Variants in EBF1 observed in about 807,000 individuals in gnomAD.
EBF1 encodes EBF transcription factor 1.
A neutral mutation model predicts 68.4 loss-of-function variants in EBF1; 10 were observed. The ratio of observed to expected loss-of-function variants is 0.15; its 90% CI spans 0.09 to 0.25. The LOEUF is 0.25. Ranked by LOEUF, EBF1 falls within the 10% of genes least tolerant of loss-of-function variation. EBF1 has a pLI of 1.00. For synonymous variants in EBF1, 298 were observed against 299.8 expected (o/e 0.99, Z 0.06); for missense variants, 509 against 794.4 (o/e 0.64, Z 4.32).
intron 6 of EBF1, among the ~76,000 whole-genome samples, chr5:158,968,270 C>G (rs767193017): frequency 4.7e-4 from 71 of 152,158 alleles, no homozygotes; most frequent in Admixed American, 8.5e-4. Flanking sequence ...AGGTAGTTAA[C>G]ATCACTTTGG....
At chr5:159,080,626 C>T (rs1779592469) in intron 5 of EBF1, among the ~76,000 whole-genome samples, 1 of 152,182 alleles carries the variant, frequency 6.6e-6, no homozygotes, top group Non-Finnish European at 1.5e-5. Flanking sequence ...GCTGTTACTG[C>T]TTCTATTAAT....
chr5:158,967,730 T>C (rs1439998283), intron 6 of EBF1, among the ~76,000 whole-genome samples: 1 of 152,174 alleles, frequency 6.6e-6, no homozygotes, highest in East Asian at 1.9e-4. Flanking sequence ...ATTTATCACT[T>C]TGGAAGTTTC....
At chr5:158,768,136 G>A (rs1287494037) in intron 10 of EBF1, among the ~76,000 whole-genome samples, 2 of 152,020 alleles carry the variant, frequency 1.3e-5, no homozygotes, top group Non-Finnish European at 2.9e-5. Flanking sequence ...GGGGATGGCT[G>A]ATAAATTTCA....
chr5:159,061,464 GA>G (rs1397975030), intron 6 of EBF1, among the ~76,000 whole-genome samples: 1 of 151,954 alleles, frequency 6.6e-6, no homozygotes. Context: ...AGGTGGGGTA[GA>G]AAGAAAGAAT....
chr5:158,830,352 C>T (rs935246193), intron 7 of EBF1, among the ~76,000 whole-genome samples: 8 of 152,182 alleles, frequency 5.3e-5, no homozygotes, highest in Middle Eastern at 6.8e-3. Flanking sequence ...CTCACAGCAA[C>T]CTCTGCCACC....
At chr5:158,802,034 GT>G (rs1369102557) in intron 8 of EBF1, among the ~76,000 whole-genome samples, 1 of 152,070 alleles carries the variant, frequency 6.6e-6, no homozygotes, top group African/African-American at 2.4e-5. Flanking sequence ...TTTACCTCGG[GT>G]TTTATGGGTA....
chr5:159,013,960 T>A (rs1198143373), intron 6 of EBF1, among the ~76,000 whole-genome samples: 1 of 152,186 alleles, frequency 6.6e-6, no homozygotes, highest in Non-Finnish European at 1.5e-5. Context: ...TAGATCCAGA[T>A]GTGAAATTTC....
chr5:159,071,660 A>T (rs1286968620), intron 6 of EBF1, among the ~76,000 whole-genome samples: 5 of 152,114 alleles, frequency 3.3e-5, no homozygotes, highest in Admixed American at 6.5e-5. Context: ...TTCAAACCAC[A>T]GTCATATCAA....
intron 6 of EBF1, among the ~76,000 whole-genome samples, chr5:158,949,242 C>T (rs2127496482): frequency 6.6e-6 from 1 of 152,316 alleles, no homozygotes; most frequent in South Asian, 2.1e-4. Context: ...TATCAATCCA[C>T]AAAAGCATTT....
At chr5:159,074,931 G>A (rs146594034) in intron 5 of EBF1, among the ~76,000 whole-genome samples, 249 of 152,284 alleles carry the variant, frequency 1.6e-3, no homozygotes, top group South Asian at 0.012. Flanking sequence ...AAAGTAACAA[G>A]TAGTTGAAGC....
At chr5:158,910,754 T>C (rs548755721) in intron 6 of EBF1, among the ~76,000 whole-genome samples, 50 of 152,332 alleles carry the variant, frequency 3.3e-4, no homozygotes, top group African/African-American at 1.2e-3. Flanking sequence ...CTTCTCCAGA[T>C]GTACACAATA....
chr5:158,770,693 C>T (rs1035988708), intron 10 of EBF1, among the ~76,000 whole-genome samples: 1 of 152,086 alleles, frequency 6.6e-6, no homozygotes, highest in African/African-American at 2.4e-5. Context: ...CTGGAAGGCT[C>T]ATTCCCTAAC....
At chr5:158,991,116 C>A (rs999640795) in intron 6 of EBF1, among the ~76,000 whole-genome samples, 2 of 152,206 alleles carry the variant, frequency 1.3e-5, no homozygotes, top group African/African-American at 2.4e-5. Flanking sequence ...CAATACACTA[C>A]TGAACTTTGA....
intron 7 of EBF1, among the ~76,000 whole-genome samples, chr5:158,824,922 T>A (rs762132211): frequency 1.3e-5 from 2 of 152,256 alleles, no homozygotes; most frequent in Non-Finnish European, 2.9e-5. Context: ...TCACCCATAC[T>A]AGTAGCATAA....
chr5:158,720,625 C>T (rs1313848542), intron 11 of EBF1, among the ~76,000 whole-genome samples: 1 of 152,080 alleles, frequency 6.6e-6, no homozygotes, highest in Non-Finnish European at 1.5e-5. Context: ...GAGCTTAGTG[C>T]AGATCATTAG....
intron 6 of EBF1, among the ~76,000 whole-genome samples, chr5:158,950,573 C>T (rs770973974): frequency 7.9e-5 from 12 of 152,284 alleles, no homozygotes; most frequent in Admixed American, 2.0e-4. Flanking sequence ...AGAAGTCTTA[C>T]GAGTAAAATT....
At chr5:158,879,798 T>C (rs1488585061) in intron 6 of EBF1, among the ~76,000 whole-genome samples, 1 of 152,076 alleles carries the variant, frequency 6.6e-6, no homozygotes, top group Non-Finnish European at 1.5e-5. Flanking sequence ...AGCCCTGGAG[T>C]AGCCCCGATT....
At position 158,943,196 on chromosome 5, in the gene EBF1, C is replaced by G. The variant is rs76982340; in HGVS notation, c.555-103086G>C. 8.3e-3 allele frequency among the ~76,000 whole-genome samples: 1,266 copies of G among 151,904 alleles called. 17 individuals are homozygous for G. The highest frequency in any genetic ancestry group is 0.029 in the African/African-American group (1,185 of 41,188). ...TTTCAGGAGGTCACATTAATGCAAA[C>G]AGAGGCCAGAATGACACATAGGCTA... is the stretch of plus-strand genomic sequence containing the variant. On this transcript the variant is annotated intron_variant, in intron 6 of 15. Transcript: ENST00000313708.
chr5:158,737,852 T>C (rs931187577), intron 10 of EBF1, among the ~76,000 whole-genome samples: 3 of 152,104 alleles, frequency 2.0e-5, no homozygotes, highest in African/African-American at 7.2e-5. Flanking sequence ...TGAGGGAAGA[T>C]CCTCAGGACT....
Sources: gnomAD v4.1 joint callset for allele counts (sites outside exome capture counted in the v4.1 genomes callset) on GRCh38, gnomAD v4.1.1 for gene constraint, MANE v1.5 for transcripts, NCBI Gene and HGNC (gene_info 2026-07-23, HGNC 2026-07-21) for gene names.